VPS33A: variants seen among roughly 807,000 people sequenced by gnomAD.
VPS33A encodes the protein vacuolar protein sorting-associated protein 33A.
VPS33A carries 32 observed loss-of-function variants against 71.8 expected under a neutral mutation model. The observed-to-expected ratio is 0.45, with a 90% CI of 0.34 to 0.60. The LOEUF is 0.60. Ranked by LOEUF, VPS33A falls within the 20% of genes least tolerant of loss-of-function variation. The pLI, the probability that VPS33A is intolerant of heterozygous loss-of-function variation, is 0.02. For missense variants in VPS33A, 625 were observed against 748.5 expected, an observed-to-expected ratio of 0.84 and a Z score of 1.92; for synonymous variants, 311 against 292.7, an observed-to-expected ratio of 1.06 and a Z score of -0.64.
intron 3 of VPS33A, among the ~76,000 whole-genome samples, 194 bp from the exon 4 acceptor site, chr12:122,261,641 G>A (rs1954996923): frequency 1.3e-5 from 2 of 151,970 alleles, no homozygotes; most frequent in South Asian, 4.2e-4. Flanking sequence ...GGCCAAGGCG[G>A]GCGGATCAGT....
chr12:122,237,371 T>C (rs555543460), intron 10 of VPS33A, among the ~76,000 whole-genome samples: 2 of 152,272 alleles, frequency 1.3e-5, no homozygotes, highest in East Asian at 3.9e-4. Flanking sequence ...TTGGGTGAGT[T>C]ACCTAAACTA....
chr12:122,266,339 G>C lies in VPS33A; in HGVS notation c.70C>G (p.Arg24Gly). 1 of 1,613,236 alleles carries C rather than the reference G, an allele frequency of 6.2e-7. No individual in the cohort carries two copies. Among genetic ancestry groups the C allele is most frequent in the Non-Finnish European group, 8.5e-7 (1 of 1,179,952 alleles). Residue 24 changes from arginine to glycine, a missense_variant, in exon 1 of 13, where the codon CGC (arginine) becomes GGC (glycine). Arg to Gly is a moderately radical substitution (Grantham distance 125). Transcript: ENST00000267199. ...VLREAVRREL[R>G]EFLDKCAGSK... ...CCTGCGCACTTGTCCAGGAACTCGC[G>C]CAGCTCGCGACGCACCGCCTCGCGC...
chr12:122,244,098 C>G (rs1954746957), intron 7 of VPS33A, among the ~76,000 whole-genome samples: 1 of 152,042 alleles, frequency 6.6e-6, no homozygotes, highest in South Asian at 2.1e-4. Flanking sequence ...GATAATGAAG[C>G]CACCAATTTC....
chr12:122,234,836 G>A (rs906135731), intron 11 of VPS33A, among the ~76,000 whole-genome samples: 4 of 152,136 alleles, frequency 2.6e-5, no homozygotes, highest in Non-Finnish European at 5.9e-5. Flanking sequence ...CCCTCAGCCA[G>A]AGGCCCCTCA....
chr12:122,257,533 C>T (rs184939941), intron 4 of VPS33A, among the ~76,000 whole-genome samples: 38 of 150,584 alleles, frequency 2.5e-4, no homozygotes, highest in East Asian at 1.9e-3. Flanking sequence ...ATTAGCTGGG[C>T]GTGGTGGTGT....
At chr12:122,259,833 C>T (rs1592930952) in intron 4 of VPS33A, among the ~76,000 whole-genome samples, 1 of 151,306 alleles carries the variant, frequency 6.6e-6, no homozygotes, top group East Asian at 1.9e-4. Context: ...GCCTGGACAA[C>T]ATAATAAGAC....
At chr12:122,243,162 T>C (rs991268504) in intron 7 of VPS33A, among the ~76,000 whole-genome samples, 2 of 152,114 alleles carry the variant, frequency 1.3e-5, no homozygotes, top group African/African-American at 4.8e-5. Flanking sequence ...AGTAAAAAAC[T>C]AAGACAAAAA....
intron 4 of VPS33A, among the ~76,000 whole-genome samples, chr12:122,255,108 A>G (rs1954899397): frequency 1.3e-5 from 2 of 152,170 alleles, no homozygotes; most frequent in Admixed American, 1.3e-4. Flanking sequence ...TCATAAGTAA[A>G]ATAAACAGGT....
At position 122,244,586 on chromosome 12, in the gene VPS33A, T is replaced by C. The variant is rs1954753090; in HGVS notation, c.952A>G (p.Ile318Val). The change falls in exon 7 of 13, where the codon ATC (isoleucine) becomes GTC (valine). Residue 318 changes from isoleucine to valine, a missense_variant. Physicochemically the swap from Ile to Val is conservative, Grantham distance 29. Coordinates refer to ENST00000267199, the MANE Select transcript of VPS33A (RefSeq NM_022916.6). ...GSVLSKKAKI[I>V]SAAFEERHNA... ...TGCCTCACCTCGAATGCTGCAGAGATGATCTTTGCTTTCTTGCTGAGCACA... is the reference window on the plus strand; with the variant it reads ...TGCCTCACCTCGAATGCTGCAGAGACGATCTTTGCTTTCTTGCTGAGCACA... The C allele has an allele frequency of 6.2e-7, 1 of 1,607,188 alleles. No individual in the cohort carries two copies. The highest frequency in any genetic ancestry group is 1.3e-5 in the African/African-American group (1 of 74,832).
intron 3 of VPS33A, 93 bp from the exon 4 acceptor site, chr12:122,261,540 CA>C: frequency 8.4e-7 from 1 of 1,187,568 alleles, no homozygotes; most frequent in Non-Finnish European, 1.2e-6. Flanking sequence ...ACATAGCAGG[CA>C]CTAAATAAAT....
At position 122,261,202 on chromosome 12, in the gene VPS33A, C is replaced by T. The variant is rs1954989053; in HGVS notation, c.483+59G>A. 9 of 1,473,544 alleles carry T rather than the reference C, an allele frequency of 6.1e-6. No individual in the cohort carries two copies. The South Asian group carries it at 1.1e-4, about 19-fold the overall frequency. 91.3% of individuals were successfully genotyped at this position (1,473,544 alleles called of 1,614,324 possible). Reference sequence around the variant, plus strand: ...TCACAGTAATCAGTACTGTGGTATGCTCACACTCATAAACTGGGCAAAAAT... The same window carrying T: ...TCACAGTAATCAGTACTGTGGTATGTTCACACTCATAAACTGGGCAAAAAT... On this transcript the variant is annotated intron_variant, in intron 4 of 12. Coordinates refer to ENST00000267199, the MANE Select transcript of VPS33A (RefSeq NM_022916.6).
intron 4 of VPS33A, among the ~76,000 whole-genome samples, chr12:122,258,428 G>A (rs538958014): frequency 6.6e-6 from 1 of 151,988 alleles, no homozygotes; most frequent in African/African-American, 2.4e-5. Flanking sequence ...AGAACTCACA[G>A]AACAAAAGAA....
At chr12:122,248,012 T>G (rs759211364) in intron 6 of VPS33A, 7 of 152,148 alleles carry the variant, frequency 4.6e-5, no homozygotes, top group Non-Finnish European at 8.8e-5. Context: ...TTCTCGTGCC[T>G]CAGCCTCCTG....
At chr12:122,245,335 A>T (rs541500908) in intron 6 of VPS33A, among the ~76,000 whole-genome samples, 27 of 152,182 alleles carry the variant, frequency 1.8e-4, no homozygotes, top group Admixed American at 1.1e-3. Flanking sequence ...CTGGCTCATG[A>T]TATAAAATAC....
At chr12:122,238,763 A>G (rs775115374) in intron 9 of VPS33A, 39 bp from the exon 10 acceptor site, 5 of 1,480,616 alleles carry the variant, frequency 3.4e-6, no homozygotes, top group South Asian at 1.1e-5. Context: ...ATACATTTAC[A>G]TATACATACA....
intron 10 of VPS33A, among the ~76,000 whole-genome samples, chr12:122,237,041 A>G (rs1844554617): frequency 6.6e-6 from 1 of 152,232 alleles, no homozygotes; most frequent in African/African-American, 2.4e-5. Flanking sequence ...ACAAGGATAC[A>G]TAACTTAAAA....
chr12:122,233,677 T>C (rs1235482451), intron 11 of VPS33A, among the ~76,000 whole-genome samples: 1 of 152,238 alleles, frequency 6.6e-6, no homozygotes, highest in Admixed American at 6.5e-5. Flanking sequence ...ACGTATTAAC[T>C]GCAACACTGC....
chr12:122,259,931 T>A (rs906577863), intron 4 of VPS33A, among the ~76,000 whole-genome samples: 1 of 152,014 alleles, frequency 6.6e-6, no homozygotes, highest in Non-Finnish European at 1.5e-5. Flanking sequence ...TAGTTCCAGC[T>A]ACTCAAAAGG....
intron 3 of VPS33A, 124 bp from the exon 4 acceptor site, chr12:122,261,571 T>A (rs755106766): frequency 2.2e-6 from 2 of 909,690 alleles, no homozygotes; most frequent in Non-Finnish European, 3.4e-6. Context: ...ATAAATCATA[T>A]AAATACTGAC....
Sources: allele counts gnomAD v4.1 joint callset (sites outside exome capture counted in the v4.1 genomes callset), GRCh38; gene constraint gnomAD v4.1.1; transcripts MANE v1.5; gene names NCBI Gene and HGNC (gene_info 2026-07-23, HGNC 2026-07-21).